CISH: variants seen among roughly 807,000 people sequenced by gnomAD.
CISH encodes cytokine inducible SH2 containing protein.
CISH carries 11 observed loss-of-function variants against 21.3 expected under a neutral mutation model. That is an observed-to-expected ratio of 0.52 (90% CI 0.32 to 0.85). The LOEUF is 0.85. Ranked by LOEUF, CISH falls within the 40% of genes least tolerant of loss-of-function variation. CISH has a pLI of 0.03. For missense variants in CISH, 280 were observed against 351.7 expected, an observed-to-expected ratio of 0.80 and a Z score of 1.63; for synonymous variants, 118 against 142.3, an observed-to-expected ratio of 0.83 and a Z score of 1.22.
Position 50,607,560 on chromosome 3 carries a change from C to T in CISH, c.*47G>A. On this transcript the variant is annotated 3_prime_UTR_variant, in exon 3 of 3. Transcript: ENST00000348721. ...CCCAAGTCCAGCTGGGGCTGATGTCCCCTCCAGGGTGCGACTGGGTGAGGG... is the reference window on the plus strand; with the variant it reads ...CCCAAGTCCAGCTGGGGCTGATGTCTCCTCCAGGGTGCGACTGGGTGAGGG... 6.4e-7 allele frequency: 1 copy of T among 1,557,734 alleles called. No individual in the cohort carries two copies. Among genetic ancestry groups the T allele is most frequent in the Non-Finnish European group, 8.7e-7 (1 of 1,146,956 alleles).
rs1042137711 is a variant in CISH at position 50,606,865 on chromosome 3, T to G, written c.*742A>C. The stretch of plus-strand genomic sequence containing the variant: ...GCTCCGGCTGCATTTTCTTACCTAT[T>G]GTAGTTGTCCATCCTCCCCAAATAT... On this transcript the variant is annotated 3_prime_UTR_variant, in exon 3 of 3. Transcript: ENST00000348721. 6.6e-6 allele frequency: 1 copy of G among 152,516 alleles called. No homozygotes were observed. The highest frequency in any genetic ancestry group is 1.5e-5 in the Non-Finnish European group (1 of 68,310). The allele number at this position is 152,516 out of a possible 1,614,324, so 9.4% of individuals were successfully genotyped here.
chr3:50,611,332 C>T lies in CISH; in HGVS notation c.20+299G>A, dbSNP rs572515422. ...GGATTGTTGGCCACATCTTGGGGGA[C>T]GCCGTGCCGTTAGCATCCATCTGCT... On this transcript the variant is annotated intron_variant, in intron 1 of 2. Transcript: ENST00000348721. 15 of 1,323,998 alleles carry T rather than the reference C, an allele frequency of 1.1e-5. No individual in the cohort carries two copies. The African/African-American group carries it at 2.3e-4, about 20-fold the overall frequency. The allele number at this position is 1,323,998 out of a possible 1,614,324, so 82.0% of individuals were successfully genotyped here.
Position 50,611,755 on chromosome 3 carries a change from G to C in CISH, c.-105C>G. The stretch of plus-strand genomic sequence containing the variant: ...CGTGCTGGGTAGGCTCCCGGGGCGC[G>C]CGGGCGCAGGACAGGGACTGAGAGG... On this transcript the variant is annotated 5_prime_UTR_variant, in exon 1 of 3. Coordinates refer to ENST00000348721, the MANE Select transcript of CISH (RefSeq NM_145071.4). 1 of 1,372,850 alleles carries C rather than the reference G, an allele frequency of 7.3e-7. No individual in the cohort carries two copies. The highest frequency in any genetic ancestry group is 9.4e-7 in the Non-Finnish European group (1 of 1,061,510). 85.0% of individuals were successfully genotyped at this position (1,372,850 alleles called of 1,614,324 possible). A position where few individuals can be genotyped will look rare whatever the true frequency, so the allele number is the denominator to read the frequency against.
chr3:50,606,597 T>C lies in CISH; in HGVS notation c.*1010A>G, dbSNP rs2032159275. 6.6e-6 allele frequency: 1 copy of C among 152,212 alleles called. No individual in the cohort carries two copies. The highest frequency in any genetic ancestry group is 2.4e-5 in the African/African-American group (1 of 41,456). The allele number at this position is 152,212 out of a possible 1,614,324, so 9.4% of individuals were successfully genotyped here. On this transcript the variant is annotated 3_prime_UTR_variant, in exon 3 of 3. Transcript: ENST00000348721. ...AAGAGAAAAGACCACCAAACTGTTC[T>C]TTGCTATAATTATTATTTCATGAAG...
At position 50,611,748 on chromosome 3, in the gene CISH, G is replaced by A. The variant is rs960396143; in HGVS notation, c.-98C>T. 2 of 1,381,310 alleles carry A rather than the reference G, an allele frequency of 1.4e-6. No individual in the cohort carries two copies. The highest frequency in any genetic ancestry group is 1.5e-5 in the African/African-American group (1 of 65,060). The allele number at this position is 1,381,310 out of a possible 1,614,324, so 85.6% of individuals were successfully genotyped here. A position where few individuals can be genotyped will look rare whatever the true frequency, so the allele number is the denominator to read the frequency against. On this transcript the variant is annotated 5_prime_UTR_variant, in exon 1 of 3. Coordinates refer to ENST00000348721, the MANE Select transcript of CISH (RefSeq NM_145071.4). ...CGGAGCGCGTGCTGGGTAGGCTCCC[G>A]GGGCGCGCGGGCGCAGGACAGGGAC...
In CISH at chr3:50,607,407, C is replaced by T. The variant is rs2032185808; in HGVS notation, c.*200G>A. ...CTCAGTATAATGAAGCCACATGCGG[C>T]CTGGGGGCATTTACCTCCAAGTTGT... On this transcript the variant is annotated 3_prime_UTR_variant, in exon 3 of 3. Coordinates refer to ENST00000348721, the MANE Select transcript of CISH (RefSeq NM_145071.4). The T allele has an allele frequency of 3.3e-6, 2 of 606,198 alleles. No individual in the cohort carries two copies. Among genetic ancestry groups the T allele is most frequent in the South Asian group, 2.0e-5 (1 of 49,796 alleles). 37.6% of individuals were successfully genotyped at this position (606,198 alleles called of 1,614,324 possible).
At chr3:50,610,454 G>A (rs372015598) in intron 1 of CISH, 66 of 1,551,476 alleles carry the variant, frequency 4.3e-5, no homozygotes, top group Admixed American at 3.7e-4. Context: ...GTGTGTGCCC[G>A]CTTTGGAGCG....
chr3:50,610,910 G>A (rs751968121), intron 1 of CISH: 15 of 1,018,002 alleles, frequency 1.5e-5, no homozygotes, highest in African/African-American at 1.7e-5. Flanking sequence ...GGATGGCCAG[G>A]AATGCTCAGC....
At position 50,608,157 on chromosome 3, in the gene CISH, A is replaced by AG; in HGVS notation, c.242-16dup. 6.3e-7 allele frequency: 1 copy of AG among 1,584,726 alleles called. No individual in the cohort carries two copies. The highest frequency in any genetic ancestry group is 8.6e-7 in the Non-Finnish European group (1 of 1,162,296). On this transcript the variant is annotated splice_polypyrimidine_tract_variant and intron_variant, in intron 2 of 2. Transcript: ENST00000348721. ...CCAATACCAGCCTAGGCAAGTGCAGAGGGGGCCAAGGGACATAGTGGAAAT... is the reference window on the plus strand; with the variant it reads ...CCAATACCAGCCTAGGCAAGTGCAGAGGGGGGCCAAGGGACATAGTGGAAAT...
At chr3:50,610,387 G>A (rs1008336065) in intron 1 of CISH, 92 of 1,551,450 alleles carry the variant, frequency 5.9e-5, no homozygotes, top group Non-Finnish European at 6.8e-5. Flanking sequence ...GCAGGGGTGT[G>A]TCCATGGCTG....
chr3:50,608,974 T>G, intron 1 of CISH: 1 of 191,756 alleles, frequency 5.2e-6, no homozygotes, highest in Non-Finnish European at 1.1e-5. Flanking sequence ...TGTGCCCTCC[T>G]GGCTGAAGTG....
chr3:50,611,377 A>G, intron 1 of CISH: 1 of 1,353,384 alleles, frequency 7.4e-7, no homozygotes. Flanking sequence ...ACCCAGGCTG[A>G]GCCCACCCTG....
chr3:50,607,890 G>A lies in CISH; in HGVS notation c.494C>T (p.Ala165Val). 1.9e-6 allele frequency: 3 copies of A among 1,613,782 alleles called. No individual in the cohort carries two copies. Among genetic ancestry groups the A allele is most frequent in the Non-Finnish European group, 2.5e-6 (3 of 1,180,012 alleles). The change falls in exon 3 of 3, where the codon GCC becomes GTC. Residue 165 changes from alanine to valine, a missense_variant. Physicochemically the swap from Ala to Val is moderately conservative, Grantham distance 64. Transcript: ENST00000348721. ...DVVSLVQHYV[A>V]SCTADTRSDS... ...GCTTCGGGTATCAGCAGTGCAGGAG[G>A]CCACATAGTGCTGCACAAGGCTGAC...
In CISH at chr3:50,607,715, C is replaced by T. The variant is rs76541284; in HGVS notation, c.669G>A (p.Leu223=). ...PFVRRSSARS[L]QHLCRLVINR... ...TGATGACAAGGCGGCACAGGTGTTG[C>T]AGGCTGCGGGCACTGCTTCTGCGTA... Residue 223 remains leucine, a synonymous_variant, in exon 3 of 3, where the codon CTG becomes CTA. Transcript: ENST00000348721. 2,064 of 1,613,888 alleles carry T rather than the reference C, an allele frequency of 1.3e-3. 18 individuals are homozygous for T. In the African/African-American group the frequency reaches 0.023, roughly 18 times the overall value.
chr3:50,611,013 CCTT>C, intron 1 of CISH: 7 of 991,714 alleles, frequency 7.1e-6, no homozygotes, highest in Non-Finnish European at 8.4e-6. Context: ...GAGCCAAGGT[CCTT>C]CTCACATTGG....
intron 1 of CISH, chr3:50,611,324 T>C (rs2032318051): frequency 7.6e-7 from 1 of 1,319,450 alleles, no homozygotes; most frequent in African/African-American, 1.5e-5. Flanking sequence ...TGGCCACATC[T>C]TGGGGGACGC....
chr3:50,608,816 GA>G (rs1365878926), intron 1 of CISH: 1 of 432,040 alleles, frequency 2.3e-6, no homozygotes, highest in African/African-American at 2.0e-5. Flanking sequence ...ATCCTCTTTT[GA>G]AAGATTCTTT....
In CISH at chr3:50,607,625, C is replaced by T. The variant is rs748230838; in HGVS notation, c.759G>A (p.Gln253=). The stretch of plus-strand genomic sequence containing the variant: ...CGTACAGTCAGAGCTGGAAGGGGTA[C>T]TGTCGGAGGTAGTCGGCCATGCGCC... The part of the protein sequence containing the change: ...LPRRMADYLR[Q]YPFQL Residue 253 remains glutamine, a synonymous_variant, in exon 3 of 3, where the codon CAG becomes CAA. Transcript: ENST00000348721. 1.2e-6 allele frequency: 2 copies of T among 1,612,350 alleles called. No individual in the cohort carries two copies. The highest frequency in any genetic ancestry group is 3.3e-5 in the Admixed American group (2 of 59,944).
chr3:50,610,511 C>T lies in CISH; in HGVS notation c.20+1120G>A, dbSNP rs1376597483. Reference sequence around the variant, plus strand: ...CCTGACACCCAACAGTAGCCCTGAGCTTACAAGGGGGTGCTCACCTAGGGT... The same window carrying T: ...CCTGACACCCAACAGTAGCCCTGAGTTTACAAGGGGGTGCTCACCTAGGGT... On this transcript the variant is annotated intron_variant, in intron 1 of 2. Transcript: ENST00000348721. The T allele has an allele frequency of 4.5e-6, 7 of 1,549,426 alleles. No individual in the cohort carries two copies. The African/African-American group carries it at 9.6e-5, about 21-fold the overall frequency.
Sources: allele counts gnomAD v4.1 joint callset, GRCh38; gene constraint gnomAD v4.1.1; transcripts MANE v1.5; gene names NCBI Gene and HGNC (gene_info 2026-07-23, HGNC 2026-07-21).